The following C10orf90 variants were observed in gnomAD, a reference collection of about 807,000 sequenced individuals.
C10orf90 encodes the protein chromosome 10 open reading frame 90.
A neutral mutation model predicts 62.5 loss-of-function variants in C10orf90; 56 were observed. The ratio of observed to expected loss-of-function variants is 0.90; its 90% CI spans 0.72 to 1.12. C10orf90 has a LOEUF of 1.12. Ranked by LOEUF, C10orf90 falls within the 50% of genes most tolerant of loss-of-function variation. C10orf90 has a pLI of 0.00. For missense variants in C10orf90, 970 were observed against 880.4 expected, an observed-to-expected ratio of 1.10 and a Z score of -1.29; for synonymous variants, 386 against 340.4, an observed-to-expected ratio of 1.13 and a Z score of -1.47.
rs943217424 is a variant in C10orf90 at position 126,426,172 on chromosome 10, G to A, written c.2253-82C>T. 5 of 1,115,282 alleles carry A rather than the reference G, an allele frequency of 4.5e-6. No individual in the cohort carries two copies. In the African/African-American group the frequency reaches 7.7e-5, roughly 17 times the overall value. 69.1% of individuals were successfully genotyped at this position (1,115,282 alleles called of 1,614,324 possible). ...GGGGCTGCATCCTGTCTTGACGGCA[G>A]GCTCTTACATTTCAAAGAGAAGATC... On this transcript the variant is annotated intron_variant, in intron 8 of 9. Coordinates refer to ENST00000488181, the MANE Select transcript of C10orf90 (RefSeq NM_001350921.2).
intron 3 of C10orf90, among the ~76,000 whole-genome samples, chr10:126,511,863 A>T (rs940903082): frequency 3.9e-5 from 6 of 152,282 alleles, no homozygotes; most frequent in East Asian, 1.9e-4. Flanking sequence ...AGGAAAATTT[A>T]AAAAACTTCT....
rs757617477 is a variant in C10orf90 at position 126,504,871 on chromosome 10, G to A, written c.620C>T (p.Pro207Leu). 9.5e-5 allele frequency: 153 copies of A among 1,613,540 alleles called. No individual in the cohort carries two copies. Among genetic ancestry groups the A allele is most frequent in the Non-Finnish European group, 1.2e-4 (142 of 1,179,718 alleles). Residue 207 changes from proline to leucine, a missense_variant, in exon 4 of 10, where the codon CCG becomes CTG. Pro to Leu is a moderately conservative substitution (Grantham distance 98). Transcript: ENST00000488181. The surrounding 1 kb of genome is among the most constrained non-coding windows in gnomAD (Gnocchi z 4.1). The part of the protein sequence containing the change: ...FALLPGRLGI[P>L]APSDERGPEA... ...AGGTCCTCGCTCATCTGACGGTGCC[G>A]GGATTCCTAATCTGCCCGGAAGTAA...
At chr10:126,558,545 C>T (rs537287019) in intron 2 of C10orf90, among the ~76,000 whole-genome samples, 3 of 152,314 alleles carry the variant, frequency 2.0e-5, no homozygotes, top group African/African-American at 4.8e-5. Context: ...TGCCTTTCCT[C>T]GCCTGGGCAA....
At chr10:126,551,449 A>G (rs1013568881) in intron 2 of C10orf90, among the ~76,000 whole-genome samples, 7 of 152,206 alleles carry the variant, frequency 4.6e-5, no homozygotes, top group African/African-American at 1.7e-4. Context: ...ATAGTCTTTC[A>G]TGCAGTAGAT....
At chr10:126,432,037 C>A (rs1487498383) in intron 7 of C10orf90, among the ~76,000 whole-genome samples, 2 of 152,194 alleles carry the variant, frequency 1.3e-5, no homozygotes, top group Non-Finnish European at 2.9e-5. Flanking sequence ...TCAACCCATA[C>A]CCCCGGGGAA....
intron 2 of C10orf90, among the ~76,000 whole-genome samples, chr10:126,549,412 T>G (rs1052576269): frequency 6.6e-6 from 1 of 152,188 alleles, no homozygotes; most frequent in Admixed American, 6.5e-5. Flanking sequence ...TATGAAAAGA[T>G]GTCCAGCCTC....
chr10:126,611,414 A>G (rs1845430879), intron 2 of C10orf90, among the ~76,000 whole-genome samples: 1 of 151,888 alleles, frequency 6.6e-6, no homozygotes, highest in African/African-American at 2.4e-5. Context: ...TGGACATTTG[A>G]GCTGTTCCCA....
chr10:126,459,457 T>C (rs952020783), intron 6 of C10orf90, among the ~76,000 whole-genome samples: 2 of 152,208 alleles, frequency 1.3e-5, no homozygotes, highest in Admixed American at 6.5e-5. Context: ...TGCAGCAGGA[T>C]TGACCGGCAA....
chr10:126,490,065 TATA>T (rs1861671983), intron 4 of C10orf90, among the ~76,000 whole-genome samples: 1 of 115,604 alleles, frequency 8.7e-6, no homozygotes, highest in African/African-American at 3.3e-5. Flanking sequence ...TTATATAATA[TATA>T]ATATATAATA....
chr10:126,502,259 T>TA (rs984064361), intron 4 of C10orf90, among the ~76,000 whole-genome samples: 2 of 152,180 alleles, frequency 1.3e-5, no homozygotes, highest in Non-Finnish European at 2.9e-5. Context: ...ACTGAAATTG[T>TA]AAAAAAGGTA....
chr10:126,522,374 G>A (rs965665474), intron 2 of C10orf90, among the ~76,000 whole-genome samples: 3 of 152,210 alleles, frequency 2.0e-5, no homozygotes, highest in African/African-American at 7.2e-5. Flanking sequence ...GTGAGAAACT[G>A]CATAACTTAT....
Position 126,453,136 on chromosome 10 carries a change from C to T in C10orf90, c.2188+5904G>A, listed in dbSNP as rs1564802123. 6.6e-6 allele frequency among the ~76,000 whole-genome samples: 1 copy of T among 152,144 alleles called. No homozygotes were observed. Among genetic ancestry groups the T allele is most frequent in the African/African-American group, 2.4e-5 (1 of 41,428 alleles). ...AGATTTGTTGGAGAAGGAATTCTGC[C>T]GTGCCTTCCAGAGAATTCCATTCCT... On this transcript the variant is annotated intron_variant, in intron 7 of 9. Coordinates refer to ENST00000488181, the MANE Select transcript of C10orf90 (RefSeq NM_001350921.2). This position sits in a 1 kb window ranked among gnomAD's most constrained non-coding sequence, Gnocchi z 4.9.
At chr10:126,463,656 G>T (rs573452305) in intron 5 of C10orf90, among the ~76,000 whole-genome samples, 2 of 152,274 alleles carry the variant, frequency 1.3e-5, no homozygotes, top group African/African-American at 4.8e-5. Context: ...AATGCTCTTT[G>T]CCCTCAGGTC....
At chr10:126,643,031 C>T (rs569942488) in intron 2 of C10orf90, among the ~76,000 whole-genome samples, 2 of 152,332 alleles carry the variant, frequency 1.3e-5, no homozygotes, top group African/African-American at 2.4e-5. Context: ...CACTGCTCCA[C>T]CTAAACCCAC....
chr10:126,652,899 A>T (rs1846319218), intron 1 of C10orf90, among the ~76,000 whole-genome samples: 2 of 152,222 alleles, frequency 1.3e-5, no homozygotes, highest in African/African-American at 4.8e-5. Context: ...TTGGGGGTTC[A>T]GTTGCAGACC....
At chr10:126,538,346 G>C (rs1268548505) in intron 2 of C10orf90, among the ~76,000 whole-genome samples, 2 of 152,198 alleles carry the variant, frequency 1.3e-5, no homozygotes, top group Non-Finnish European at 2.9e-5. Flanking sequence ...TGGGGACACA[G>C]TCAAACCATA....
At chr10:126,606,286 T>A (rs1044300773) in intron 2 of C10orf90, among the ~76,000 whole-genome samples, 2 of 152,194 alleles carry the variant, frequency 1.3e-5, no homozygotes, top group African/African-American at 4.8e-5. Flanking sequence ...TAGGTTATAA[T>A]CAGTATGATA....
intron 7 of C10orf90, among the ~76,000 whole-genome samples, chr10:126,443,882 T>C (rs1300243554): frequency 1.3e-5 from 2 of 152,016 alleles, no homozygotes; most frequent in Non-Finnish European, 2.9e-5. Flanking sequence ...CACAAGTCAA[T>C]AAATATAATA....
intron 2 of C10orf90, among the ~76,000 whole-genome samples, chr10:126,552,580 T>C (rs1169575375): frequency 2.6e-5 from 4 of 152,206 alleles, no homozygotes; most frequent in Non-Finnish European, 5.9e-5. Context: ...CGCTGTCTTA[T>C]AAAGGATACT....
Sources: allele counts gnomAD v4.1 joint callset (sites outside exome capture counted in the v4.1 genomes callset), GRCh38; gene constraint gnomAD v4.1.1; non-coding constraint Gnocchi (gnomAD v3.1); transcripts MANE v1.5; gene names NCBI Gene and HGNC (gene_info 2026-07-23, HGNC 2026-07-21).